Variants in LUZP2 observed in about 807,000 individuals in gnomAD.
LUZP2 encodes leucine zipper protein 2.
LUZP2 carries 52 observed loss-of-function variants against 51.6 expected under a neutral mutation model. That is an observed-to-expected ratio of 1.01 (90% CI 0.81 to 1.27). The LOEUF (loss-of-function observed/expected upper bound fraction) is 1.27. Among genes scored for constraint, LUZP2 ranks in the 50% most tolerant of loss-of-function variants. The pLI is 0.00. For synonymous variants in LUZP2, 154 were observed against 137.3 expected (o/e 1.12, Z -0.85); for missense variants, 436 against 395.4 (o/e 1.10, Z -0.87).
chr11:24,603,259 C>G (rs2133871123), intron 1 of LUZP2, among the ~76,000 whole-genome samples: 1 of 151,886 alleles, frequency 6.6e-6, no homozygotes, highest in Admixed American at 6.6e-5. Flanking sequence ...CCTGCCGTTG[C>G]ATCTGACTCC....
chr11:24,936,518 A>G (rs1026951680), intron 7 of LUZP2, among the ~76,000 whole-genome samples: 7 of 146,310 alleles, frequency 4.8e-5, no homozygotes, highest in Admixed American at 2.8e-4. Context: ...CCAGTGTTTA[A>G]GGTTCACAAA....
chr11:25,031,113 G>A (rs10834585), intron 9 of LUZP2, among the ~76,000 whole-genome samples: 51,165 of 140,520 alleles, frequency 0.36, 11,370 homozygotes, highest in East Asian at 0.76. Flanking sequence ...CCGAATTCAA[G>A]CGATTCTTTG....
At chr11:24,733,749 AAAT>A (rs1858817218) in intron 3 of LUZP2, among the ~76,000 whole-genome samples, 1 of 151,624 alleles carries the variant, frequency 6.6e-6, no homozygotes, top group Non-Finnish European at 1.5e-5. Context: ...TTTTAAAAAA[AAAT>A]TTTAAAAAAA....
chr11:24,650,582 C>A (rs1293035293), intron 1 of LUZP2, among the ~76,000 whole-genome samples: 2 of 151,946 alleles, frequency 1.3e-5, no homozygotes, highest in African/African-American at 4.8e-5. Flanking sequence ...TTCATGAGGC[C>A]AGAAGCAATG....
At chr11:24,510,300 AC>A (rs1464289808) in intron 1 of LUZP2, among the ~76,000 whole-genome samples, 3 of 152,226 alleles carry the variant, frequency 2.0e-5, no homozygotes, top group African/African-American at 7.2e-5. Context: ...AGCCACAGGT[AC>A]CAGCCTGGCA....
rs1193313047 is a variant in LUZP2 at position 24,905,909 on chromosome 11, T to C, written c.397-82T>C. ...GAAGGTCTAATTTTTGAACAGAACATAAAGCAATAATGTTGACATAGTTGA... is the reference window on the plus strand; with the variant it reads ...GAAGGTCTAATTTTTGAACAGAACACAAAGCAATAATGTTGACATAGTTGA... On this transcript the variant is annotated intron_variant, in intron 5 of 11. Coordinates refer to ENST00000336930, the MANE Select transcript of LUZP2 (RefSeq NM_001009909.4). 62 of 995,886 alleles carry C rather than the reference T, an allele frequency of 6.2e-5. 1 individual carries two copies. In the Admixed American group the frequency reaches 1.0e-3, roughly 17 times the overall value. The allele number at this position is 995,886 out of a possible 1,614,324, so 61.7% of individuals were successfully genotyped here. A position where few individuals can be genotyped will look rare whatever the true frequency, so the allele number is the denominator to read the frequency against.
intron 9 of LUZP2, among the ~76,000 whole-genome samples, chr11:25,004,586 C>T (rs868003899): frequency 4.6e-5 from 7 of 152,126 alleles, no homozygotes; most frequent in Middle Eastern, 3.2e-3. Flanking sequence ...AATTGACCCT[C>T]GAGTGATTAG....
chr11:25,018,935 T>G (rs1857246585), intron 9 of LUZP2, among the ~76,000 whole-genome samples: 1 of 152,142 alleles, frequency 6.6e-6, no homozygotes, highest in Non-Finnish European at 1.5e-5. Context: ...GACTTTATTT[T>G]TTAGAACAGT....
At chr11:24,526,719 T>C (rs544773996) in intron 1 of LUZP2, among the ~76,000 whole-genome samples, 22 of 151,474 alleles carry the variant, frequency 1.5e-4, no homozygotes, top group African/African-American at 5.1e-4. Context: ...TTTAAGAACC[T>C]GTCAAAATTA....
intron 9 of LUZP2, among the ~76,000 whole-genome samples, chr11:24,988,236 G>T (rs754403329): frequency 6.6e-6 from 1 of 151,944 alleles, no homozygotes; most frequent in Non-Finnish European, 1.5e-5. Context: ...GCATGAGGGA[G>T]GTGAGATCTC....
intron 1 of LUZP2, among the ~76,000 whole-genome samples, chr11:24,666,181 C>T (rs1856206678): frequency 6.6e-6 from 1 of 152,012 alleles, no homozygotes; most frequent in South Asian, 2.1e-4. Flanking sequence ...AGAAGCTGAA[C>T]TCAGGAGCTG....
At chr11:25,033,565 A>G (rs1000677787) in intron 9 of LUZP2, among the ~76,000 whole-genome samples, 3 of 152,100 alleles carry the variant, frequency 2.0e-5, no homozygotes, top group African/African-American at 7.2e-5. Flanking sequence ...TTTGAACACA[A>G]CCTTCTCACA....
chr11:25,049,924 T>G, intron 9 of LUZP2, 114 bp from the exon 10 acceptor site: 2 of 450,746 alleles, frequency 4.4e-6, no homozygotes, highest in Non-Finnish European at 7.6e-6. Flanking sequence ...GATTGTAATG[T>G]TGCTATAATA....
At chr11:24,715,637 A>C (rs1858014417) in intron 1 of LUZP2, among the ~76,000 whole-genome samples, 1 of 152,072 alleles carries the variant, frequency 6.6e-6, no homozygotes, top group Non-Finnish European at 1.5e-5. Context: ...CCCCACACAA[A>C]GATATTTTCT....
intron 1 of LUZP2, among the ~76,000 whole-genome samples, chr11:24,678,496 C>T (rs932453191): frequency 6.6e-6 from 1 of 151,742 alleles, no homozygotes; most frequent in African/African-American, 2.4e-5. Context: ...TAATTTGACA[C>T]TCTGAATTAA....
At chr11:25,071,296 A>C (rs907685609) in intron 10 of LUZP2, among the ~76,000 whole-genome samples, 1 of 152,024 alleles carries the variant, frequency 6.6e-6, no homozygotes, top group Non-Finnish European at 1.5e-5. Context: ...CATGATGCTA[A>C]ATGACGAGTT....
rs769187524 is a variant in LUZP2, at chr11:24,738,211, A to G, written c.252-10A>G. On this transcript the variant is annotated splice_polypyrimidine_tract_variant and intron_variant, in intron 3 of 11. Coordinates refer to ENST00000336930, the MANE Select transcript of LUZP2 (RefSeq NM_001009909.4). ...TTTTCTCACTTATGCTCTGTTTTCT[A>G]CTAAAATAGAGAAGAAATGAAGTCT... 4.5e-6 allele frequency: 7 copies of G among 1,562,388 alleles called. No individual in the cohort carries two copies. The highest frequency in any genetic ancestry group is 5.3e-6 in the Non-Finnish European group (6 of 1,136,126).
intron 10 of LUZP2, among the ~76,000 whole-genome samples, chr11:25,055,375 T>A (rs2134030404): frequency 6.6e-6 from 1 of 152,262 alleles, no homozygotes; most frequent in African/African-American, 2.4e-5. Context: ...GTCTTGCATT[T>A]CTTTTGTCTT....
chr11:24,678,016 G>A (rs903023984), intron 1 of LUZP2, among the ~76,000 whole-genome samples: 11 of 132,802 alleles, frequency 8.3e-5, no homozygotes, highest in African/African-American at 2.7e-5. Flanking sequence ...CAGCCTGGGC[G>A]ACAGAGCGAG....
Sources: gnomAD v4.1 joint callset for allele counts (sites outside exome capture counted in the v4.1 genomes callset) on GRCh38, gnomAD v4.1.1 for gene constraint, MANE v1.5 for transcripts, NCBI Gene and HGNC (gene_info 2026-07-23, HGNC 2026-07-21) for gene names.